The following ITGB2 variants were observed in gnomAD, a reference collection of about 807,000 sequenced individuals.
The protein encoded by ITGB2 is integrin subunit beta 2, also known as integrin beta-2.
Under a neutral mutation model 86.8 loss-of-function variants are expected in ITGB2, and 56 were observed. That is an observed-to-expected ratio of 0.65 (90% CI 0.52 to 0.81). ITGB2 has a LOEUF of 0.81. Ranked by LOEUF, ITGB2 falls within the 30% of genes least tolerant of loss-of-function variation. The pLI is 0.00. For missense variants in ITGB2, 948 were observed against 1,061.2 expected (o/e 0.89, Z 1.48); for synonymous variants, 457 against 450.4 (o/e 1.01, Z -0.19).
In ITGB2 at chr21:44,886,359, C is replaced by T. The variant is rs1265639723; in HGVS notation, c.*9G>A. The T allele has an allele frequency of 1.9e-6, 3 of 1,613,750 alleles. No homozygotes were observed. The highest frequency in any genetic ancestry group is 2.7e-5 in the African/African-American group (2 of 74,916). On this transcript the variant is annotated 3_prime_UTR_variant, in exon 16 of 16. Coordinates refer to ENST00000652462, the MANE Select transcript of ITGB2 (RefSeq NM_000211.5). ...TGGGTCCTGACGGCCTTGTCTTCACCAAGTGCTCCTAACTCTCAGCAAACT... is the reference window on the plus strand; with the variant it reads ...TGGGTCCTGACGGCCTTGTCTTCACTAAGTGCTCCTAACTCTCAGCAAACT...
chr21:44,911,709 C>T (rs1434106823), intron 1 of ITGB2, among the ~76,000 whole-genome samples: 1 of 152,244 alleles, frequency 6.6e-6, no homozygotes, highest in Non-Finnish European at 1.5e-5. Flanking sequence ...ACCCACGCAT[C>T]CACAGCCAGG....
At chr21:44,901,449 C>T in intron 6 of ITGB2, 43 bp downstream of exon 6, 1 of 1,606,246 alleles carries the variant, frequency 6.2e-7, no homozygotes, top group South Asian at 1.1e-5. Context: ...GAGCCCCCCA[C>T]ACTGGGGGAA....
At chr21:44,915,894 A>G (rs900165874) in intron 1 of ITGB2, among the ~76,000 whole-genome samples, 2 of 152,164 alleles carry the variant, frequency 1.3e-5, no homozygotes, top group African/African-American at 2.4e-5. Context: ...TGGTTTGACT[A>G]TCTGTGAAGT....
At chr21:44,908,280 C>T in intron 3 of ITGB2, 1 of 565,122 alleles carries the variant, frequency 1.8e-6, no homozygotes, top group Non-Finnish European at 3.3e-6. Flanking sequence ...ACCCCCTCCC[C>T]TTCTCTAGTT....
chr21:44,905,211 G>T (rs78365502), intron 4 of ITGB2, among the ~76,000 whole-genome samples: 7,068 of 152,154 alleles, frequency 0.046, 240 homozygotes, highest in East Asian at 0.16. Flanking sequence ...CCAGGACCCC[G>T]CGAGAGGACA....
chr21:44,887,137 C>T (rs2083712042), intron 14 of ITGB2, among the ~76,000 whole-genome samples: 1 of 152,170 alleles, frequency 6.6e-6, no homozygotes, highest in Non-Finnish European at 1.5e-5. Flanking sequence ...TGCCACCACC[C>T]CTGCTGACAG....
intron 3 of ITGB2, among the ~76,000 whole-genome samples, chr21:44,907,337 G>A (rs1439015710): frequency 6.6e-6 from 1 of 152,186 alleles, no homozygotes; most frequent in East Asian, 1.9e-4. Flanking sequence ...TCTGCCTCTA[G>A]CGGCAGAAAG....
chr21:44,891,849 G>A lies in ITGB2; in HGVS notation c.1372C>T (p.Leu458Phe). 3 of 1,610,822 alleles carry A rather than the reference G, an allele frequency of 1.9e-6. No individual in the cohort carries two copies. The highest frequency in any genetic ancestry group is 2.5e-6 in the Non-Finnish European group (3 of 1,180,000). Reference sequence around the variant, plus strand: ...TCCAAGAAGCCCTTGCCATGGCAGAGGCTGCGGTCTCTGCTCTGGTCCCGG... The same window carrying A: ...TCCAAGAAGCCCTTGCCATGGCAGAAGCTGCGGTCTCTGCTCTGGTCCCGG... ...RCRDQSRDRSLCHGKGFLECG... is the reference protein window; with the variant it reads ...RCRDQSRDRSFCHGKGFLECG... Residue 458 changes from leucine (L) to phenylalanine (F), a missense_variant, in exon 11 of 16, where the codon CTC becomes TTC. Coordinates refer to ENST00000652462, the MANE Select transcript of ITGB2 (RefSeq NM_000211.5).
chr21:44,910,453 G>A, intron 2 of ITGB2, 81 bp from the exon 3 acceptor site: 10 of 1,603,350 alleles, frequency 6.2e-6, no homozygotes, highest in South Asian at 1.1e-5. Context: ...AGGAAGGTCA[G>A]AGGAGGCCCA....
At chr21:44,902,633 A>T (rs1296372446) in intron 5 of ITGB2, among the ~76,000 whole-genome samples, 1 of 150,994 alleles carries the variant, frequency 6.6e-6, no homozygotes, top group Non-Finnish European at 1.5e-5. Context: ...GCATGTGAGG[A>T]TACATTCATG....
chr21:44,918,925 T>C lies in ITGB2; in HGVS notation c.-4+1896A>G, dbSNP rs886259964. Among the ~76,000 whole-genome samples, 21 of 40,752 alleles carry C rather than the reference T, an allele frequency of 5.2e-4. 1 individual carries two copies. Among genetic ancestry groups the C allele is most frequent in the Non-Finnish European group, 4.1e-5 (1 of 24,348 alleles). 26.7% of individuals were successfully genotyped at this position (40,752 alleles called of 152,430 possible). On this transcript the variant is annotated intron_variant, in intron 1 of 15. Transcript: ENST00000652462. ...ATTTACTCCCTTGAGGCAAAGGCCCTTGGGTGGCTAAGCGTCCCCTCTCCC... is the reference window on the plus strand; with the variant it reads ...ATTTACTCCCTTGAGGCAAAGGCCCCTGGGTGGCTAAGCGTCCCCTCTCCC...
At chr21:44,895,177 G>A (rs1025278440) in intron 8 of ITGB2, 117 bp from the exon 9 acceptor site, 25 of 766,920 alleles carry the variant, frequency 3.3e-5, no homozygotes, top group South Asian at 2.1e-4. Flanking sequence ...GGTCCTCAAC[G>A]CAGTTTTGCA....
chr21:44,886,837 C>T lies in ITGB2; in HGVS notation c.2146G>A (p.Gly716Ser), dbSNP rs1064794297. Residue 716 changes from glycine to serine, a missense_variant, in exon 15 of 16, where the codon GGC becomes AGC. Coordinates refer to ENST00000652462, the MANE Select transcript of ITGB2 (RefSeq NM_000211.5). The part of the protein sequence containing the change: ...GGTVAGIVLI[G>S]ILLLVIWKAL... Reference sequence around the variant, plus strand: ...TTCCAGATGACCAGCAGGAGAATGCCGATCAGCACGATGCCTGCCACGGTG... The same window carrying T: ...TTCCAGATGACCAGCAGGAGAATGCTGATCAGCACGATGCCTGCCACGGTG... 1.9e-6 allele frequency: 3 copies of T among 1,613,592 alleles called. No homozygotes were observed. The highest frequency in any genetic ancestry group is 2.2e-5 in the East Asian group (1 of 44,894).
chr21:44,921,423 A>C (rs1312384456), upstream of ITGB2: 2 of 152,952 alleles, frequency 1.3e-5, no homozygotes, highest in African/African-American at 2.4e-5. Flanking sequence ...CGAGGAGGAG[A>C]CACTCAGGTC....
In ITGB2 at chr21:44,895,052, G is replaced by T; in HGVS notation, c.1002C>A (p.Thr334=). Residue 334 remains threonine, a synonymous_variant, in exon 9 of 16, where the codon ACC becomes ACA. Transcript: ENST00000652462. ...SRMVKTYEKL[T]EIIPKSAVGE... ...CCACGGCTGACTTGGGGATGATCTC[G>T]GTGAGTTTCTGTTGGGCAAGAAGAC... The T allele has an allele frequency of 1.9e-6, 3 of 1,613,120 alleles. No individual in the cohort carries two copies. Among genetic ancestry groups the T allele is most frequent in the Non-Finnish European group, 2.5e-6 (3 of 1,179,408 alleles).
intron 10 of ITGB2, among the ~76,000 whole-genome samples, chr21:44,892,222 C>T (rs1222256588): frequency 3.3e-5 from 5 of 152,342 alleles, no homozygotes; most frequent in Admixed American, 2.0e-4. Flanking sequence ...AGGATCTCCC[C>T]GGCCACACAT....
chr21:44,896,893 G>C (rs1440452718), intron 8 of ITGB2, among the ~76,000 whole-genome samples: 1 of 152,226 alleles, frequency 6.6e-6, no homozygotes, highest in East Asian at 1.9e-4. Flanking sequence ...CCATCGCCTG[G>C]AGTCTGGCTG....
intron 1 of ITGB2, among the ~76,000 whole-genome samples, chr21:44,919,819 G>A (rs1053818183): frequency 6.6e-6 from 1 of 152,254 alleles, no homozygotes; most frequent in African/African-American, 2.4e-5. Context: ...AGATCCAGGG[G>A]AGGGGGGATT....
In ITGB2 at chr21:44,901,687, C is replaced by T. The variant is rs775424893; in HGVS notation, c.546G>A (p.Thr182=). 23 of 1,613,426 alleles carry T rather than the reference C, an allele frequency of 1.4e-5. No individual in the cohort carries two copies. The highest frequency in any genetic ancestry group is 8.8e-5 in the South Asian group (8 of 91,096). The change falls in exon 6 of 16, where the codon ACG becomes ACA. Residue 182 remains threonine, a synonymous_variant. Coordinates refer to ENST00000652462, the MANE Select transcript of ITGB2 (RefSeq NM_000211.5). ...VDKTVLPFVN[T]HPDKLRNPCP... The stretch of plus-strand genomic sequence containing the variant: ...ATGGGTTTCGCAGCTTATCAGGGTG[C>T]GTGTTCACGAACGGCAGCACGGTCT...
Sources: allele counts gnomAD v4.1 joint callset (sites outside exome capture counted in the v4.1 genomes callset), GRCh38; gene constraint gnomAD v4.1.1; transcripts MANE v1.5; gene names NCBI Gene and HGNC (gene_info 2026-07-23, HGNC 2026-07-21).